Variants in MGARP observed in about 807,000 individuals in gnomAD.
MGARP encodes the protein mitochondria localized glutamic acid rich protein, also known as protein MGARP.
Under a neutral mutation model 11.0 loss-of-function variants are expected in MGARP, and 12 were observed. The ratio of observed to expected loss-of-function variants is 1.09; its 90% CI spans 0.70 to 1.77. MGARP has a LOEUF of 1.77. Among genes scored for constraint, MGARP ranks in the 40% most tolerant of loss-of-function variants. The pLI, the probability that MGARP is intolerant of heterozygous loss-of-function variation, is 0.00. For synonymous variants in MGARP, 110 were observed against 115.4 expected, an observed-to-expected ratio of 0.95 and a Z score of 0.30; for missense variants, 283 against 297.8, an observed-to-expected ratio of 0.95 and a Z score of 0.36.
chr4:139,267,492 C>A (rs1307971782), intron 3 of MGARP, among the ~76,000 whole-genome samples: 2 of 152,152 alleles, frequency 1.3e-5, no homozygotes, highest in African/African-American at 2.4e-5. Context: ...AAGTTCCTAG[C>A]TGGTGACTCA....
chr4:139,269,561 G>A (rs1451796149), intron 2 of MGARP, among the ~76,000 whole-genome samples: 2 of 150,652 alleles, frequency 1.3e-5, no homozygotes, highest in Non-Finnish European at 1.5e-5. Flanking sequence ...AACCCAGGAG[G>A]TGGAGGTTGC....
Position 139,280,066 on chromosome 4 carries a change from T to G in MGARP, c.82+11A>C. ...CCCGTCCTCCTCTCCGGGCTAGACC[T>G]CCTTACTCACCGTCCTTTCCGAGCG... On this transcript the variant is annotated intron_variant, in intron 1 of 3. Transcript: ENST00000398955. 6.2e-7 allele frequency: 1 copy of G among 1,611,982 alleles called. No homozygotes were observed. The highest frequency in any genetic ancestry group is 8.5e-7 in the Non-Finnish European group (1 of 1,179,642).
rs748767693 is a variant in MGARP at position 139,280,086 on chromosome 4, C to A, written c.73G>T (p.Gly25Ter). 6.2e-7 allele frequency: 1 copy of A among 1,612,294 alleles called. No homozygotes were observed. Among genetic ancestry groups the A allele is most frequent in the Non-Finnish European group, 8.5e-7 (1 of 1,179,774 alleles). The change falls in exon 1 of 4, where the codon GGA (glycine) becomes TGA (stop). Residue 25 changes from glycine to a stop codon, truncating the protein, a stop_gained. Coordinates refer to ENST00000398955, the MANE Select transcript of MGARP (RefSeq NM_032623.4). LOFTEE classifies it high-confidence loss of function. ...AGACCTCCTTACTCACCGTCCTTTCCGAGCGGCGCGGGGTTGGGGGGCGCC... is the reference window on the plus strand; with the variant it reads ...AGACCTCCTTACTCACCGTCCTTTCAGAGCGGCGCGGGGTTGGGGGGCGCC... ...LRAPPNPAPL[G>*]KDASLRRMSS...
intron 2 of MGARP, among the ~76,000 whole-genome samples, chr4:139,270,638 T>C (rs1310967795): frequency 8.1e-6 from 1 of 123,028 alleles, no homozygotes; most frequent in Non-Finnish European, 1.7e-5. Context: ...GAAAAGAAAA[T>C]CTATAATGTC....
intron 2 of MGARP, among the ~76,000 whole-genome samples, chr4:139,272,057 G>GTT (rs34302192): frequency 1.4e-5 from 2 of 144,842 alleles, no homozygotes; most frequent in Admixed American, 7.0e-5. Flanking sequence ...CTCAATCTCT[G>GTT]TTTTTTTTTT....
At chr4:139,267,160 A>G in intron 3 of MGARP, 119 bp from the exon 4 acceptor site, 1 of 961,420 alleles carries the variant, frequency 1.0e-6, no homozygotes, top group Admixed American at 2.4e-5. Context: ...AACAGTCTTC[A>G]AGGTAGACTC....
chr4:139,271,190 T>C (rs1412408529), intron 2 of MGARP, among the ~76,000 whole-genome samples: 2 of 152,178 alleles, frequency 1.3e-5, no homozygotes, highest in East Asian at 3.8e-4. Context: ...ATTTAAAATA[T>C]ACTACAATTT....
intron 2 of MGARP, among the ~76,000 whole-genome samples, chr4:139,269,727 A>G (rs1347361908): frequency 6.6e-6 from 1 of 152,032 alleles, no homozygotes; most frequent in South Asian, 2.1e-4. Flanking sequence ...CTTTCATTTT[A>G]TATTTAAGTA....
chr4:139,279,752 C>T (rs543265435), intron 1 of MGARP, among the ~76,000 whole-genome samples: 19 of 152,300 alleles, frequency 1.2e-4, no homozygotes, highest in Admixed American at 1.2e-3. Flanking sequence ...TGCTTTTAAC[C>T]ATACATTAAC....
chr4:139,271,712 T>A (rs1221320053), intron 2 of MGARP, among the ~76,000 whole-genome samples: 1 of 152,180 alleles, frequency 6.6e-6, no homozygotes, highest in South Asian at 2.1e-4. Flanking sequence ...TATACAGGTT[T>A]TGGAGTGCCT....
rs145818449 is a variant in MGARP, at chr4:139,277,274, T to C, written c.83-1882A>G. 1.4e-4 allele frequency among the ~76,000 whole-genome samples: 21 copies of C among 152,304 alleles called. 1 individual carries two copies. The East Asian group carries it at 4.1e-3, about 29-fold the overall frequency. ...CTTAAGGCATGCTTACAAACCTTCA[T>C]AGTAGCAAAATCACAACGATTTCCT... On this transcript the variant is annotated intron_variant, in intron 1 of 3. Coordinates refer to ENST00000398955, the MANE Select transcript of MGARP (RefSeq NM_032623.4).
chr4:139,268,799 G>C (rs768198921), intron 2 of MGARP, 34 bp from the exon 3 acceptor site: 1 of 1,515,288 alleles, frequency 6.6e-7, no homozygotes, highest in Non-Finnish European at 9.0e-7. Flanking sequence ...TTTATTTCTT[G>C]AGCTTTAAGA....
intron 2 of MGARP, among the ~76,000 whole-genome samples, chr4:139,274,702 C>T (rs181753299): frequency 2.2e-4 from 34 of 152,174 alleles, no homozygotes; most frequent in Middle Eastern, 3.4e-3. Flanking sequence ...AGGCAGGCCT[C>T]GAACTCCTGA....
chr4:139,267,824 A>C (rs1290289302), intron 3 of MGARP, among the ~76,000 whole-genome samples: 3 of 152,170 alleles, frequency 2.0e-5, no homozygotes, highest in Non-Finnish European at 4.4e-5. Context: ...GGTTTAAAGC[A>C]AGAAGTGGCT....
At chr4:139,276,546 C>T (rs1042998793) in intron 1 of MGARP, among the ~76,000 whole-genome samples, 3 of 152,136 alleles carry the variant, frequency 2.0e-5, no homozygotes, top group African/African-American at 7.2e-5. Flanking sequence ...GGATGAATAT[C>T]CCTTATCTAA....
chr4:139,275,636 AG>A (rs1051776131), intron 1 of MGARP, among the ~76,000 whole-genome samples: 73 of 152,296 alleles, frequency 4.8e-4, no homozygotes, highest in African/African-American at 1.6e-3. Flanking sequence ...CCTTCTTGGA[AG>A]GGGTGCAGGT....
rs778118824 is a variant in MGARP at position 139,275,268 on chromosome 4, TGTG to T, written c.186+18_186+20del. On this transcript the variant is annotated intron_variant, in intron 2 of 3. Coordinates refer to ENST00000398955, the MANE Select transcript of MGARP (RefSeq NM_032623.4). The stretch of plus-strand genomic sequence containing the variant: ...GTAAAATACATGAATTCTTGAGCAC[TGTG>T]GTTATATAATCACTTACATAATATC... The T allele has an allele frequency of 1.3e-6, 2 of 1,580,386 alleles. No homozygotes were observed. The highest frequency in any genetic ancestry group is 1.7e-6 in the Non-Finnish European group (2 of 1,150,834).
intron 3 of MGARP, among the ~76,000 whole-genome samples, chr4:139,268,414 C>T (rs546598101): frequency 6.6e-6 from 1 of 152,182 alleles, no homozygotes; most frequent in Non-Finnish European, 1.5e-5. Flanking sequence ...AATATTACCA[C>T]ACAAAGGAGT....
chr4:139,270,225 T>C (rs1269975859), intron 2 of MGARP, among the ~76,000 whole-genome samples: 2 of 137,052 alleles, frequency 1.5e-5, no homozygotes, highest in Admixed American at 7.5e-5. Flanking sequence ...ACTTGAACCC[T>C]GTAGGCAGAG....
Sources: gnomAD v4.1 joint callset for allele counts (sites outside exome capture counted in the v4.1 genomes callset) on GRCh38, gnomAD v4.1.1 for gene constraint, MANE v1.5 for transcripts, NCBI Gene and HGNC (gene_info 2026-07-23, HGNC 2026-07-21) for gene names.